UHRF2: variants seen among roughly 807,000 people sequenced by gnomAD.
The protein encoded by UHRF2 is ubiquitin like with PHD and ring finger domains 2.
A neutral mutation model predicts 96.8 loss-of-function variants in UHRF2; 23 were observed. The ratio of observed to expected loss-of-function variants is 0.24; its 90% CI spans 0.17 to 0.34. The LOEUF is 0.34. Ranked by LOEUF, UHRF2 falls within the 10% of genes least tolerant of loss-of-function variation. UHRF2 has a pLI of 1.00. For missense variants in UHRF2, 685 were observed against 981.5 expected, an observed-to-expected ratio of 0.70 and a Z score of 4.04; for synonymous variants, 385 against 332.6, an observed-to-expected ratio of 1.16 and a Z score of -1.72.
At chr9:6,484,958 TA>T (rs1431718942) in intron 8 of UHRF2, among the ~76,000 whole-genome samples, 1 of 151,926 alleles carries the variant, frequency 6.6e-6, no homozygotes, top group East Asian at 1.9e-4. Flanking sequence ...CATGCCCAGC[TA>T]ATTTTGTATT....
chr9:6,500,720 AT>A lies in UHRF2; in HGVS notation c.2163+18del, dbSNP rs771601389. The A allele has an allele frequency of 6.9e-6, 11 of 1,593,054 alleles. No individual in the cohort carries two copies. The highest frequency in any genetic ancestry group is 8.5e-6 in the Non-Finnish European group (10 of 1,172,326). On this transcript the variant is annotated intron_variant, in intron 14 of 15. Transcript: ENST00000276893. ...CTTGTGGAAGGACCAGTATGTGAAGATTTTTTTAAATAATAACATTCTGATA... is the reference window on the plus strand; with the variant it reads ...CTTGTGGAAGGACCAGTATGTGAAGATTTTTTAAATAATAACATTCTGATA...
chr9:6,481,561 C>G (rs1447932299), intron 6 of UHRF2, 82 bp from the exon 7 acceptor site: 5 of 1,515,082 alleles, frequency 3.3e-6, no homozygotes, highest in Middle Eastern at 4.9e-4. Flanking sequence ...AAAACTTGCT[C>G]TTACCTAGGA....
intron 3 of UHRF2, among the ~76,000 whole-genome samples, chr9:6,436,279 TG>T (rs1308024326): frequency 1.3e-5 from 2 of 152,190 alleles, no homozygotes; most frequent in African/African-American, 4.8e-5. Context: ...TTATTGTGGT[TG>T]TGGCTAAGCG....
chr9:6,497,434 C>A, intron 11 of UHRF2, 74 bp downstream of exon 11: 1 of 1,535,138 alleles, frequency 6.5e-7, no homozygotes, highest in Admixed American at 1.8e-5. Flanking sequence ...CAAGGAACTA[C>A]TGTGGGTGGG....
chr9:6,479,567 A>T (rs1823800065), intron 6 of UHRF2, among the ~76,000 whole-genome samples: 1 of 152,106 alleles, frequency 6.6e-6, no homozygotes, highest in Non-Finnish European at 1.5e-5. Context: ...GTTAAATACC[A>T]AGCTAATAGT....
rs544200707 is a variant in UHRF2 at position 6,413,684 on chromosome 9, G to A, written c.153+41G>A. 4.6e-5 allele frequency: 69 copies of A among 1,505,410 alleles called. 1 individual carries two copies. In the African/African-American group the frequency reaches 6.4e-4, roughly 14 times the overall value. The allele number at this position is 1,505,410 out of a possible 1,614,324, so 93.3% of individuals were successfully genotyped here. A position where few individuals can be genotyped will look rare whatever the true frequency, so the allele number is the denominator to read the frequency against. On this transcript the variant is annotated intron_variant, in intron 1 of 15. Coordinates refer to ENST00000276893, the MANE Select transcript of UHRF2 (RefSeq NM_152896.3). The stretch of plus-strand genomic sequence containing the variant: ...CGCGCCCCTAGCGAGGCTGGGGGCC[G>A]GAACAGCTGGGCTCCTCTGGACGCA...
intron 9 of UHRF2, among the ~76,000 whole-genome samples, chr9:6,489,628 CTTA>C (rs541889800): frequency 7.0e-4 from 106 of 151,338 alleles, no homozygotes; most frequent in African/African-American, 2.4e-3. Context: ...GTGTTGATAT[CTTA>C]TTGTTGGACG....
At chr9:6,423,671 C>T (rs1037167438) in intron 2 of UHRF2, among the ~76,000 whole-genome samples, 18 of 148,100 alleles carry the variant, frequency 1.2e-4, no homozygotes, top group Admixed American at 2.0e-4. Context: ...CTCGGCCGGG[C>T]GTGGTGGCTC....
At chr9:6,491,402 C>T (rs1824652131) in intron 9 of UHRF2, among the ~76,000 whole-genome samples, 1 of 152,154 alleles carries the variant, frequency 6.6e-6, no homozygotes, top group South Asian at 2.1e-4. Flanking sequence ...CCACCTAACC[C>T]ACCAGTAGTA....
chr9:6,487,181 C>T (rs530360384), intron 9 of UHRF2, among the ~76,000 whole-genome samples: 216 of 104,556 alleles, frequency 2.1e-3, no homozygotes, highest in African/African-American at 6.2e-3. Flanking sequence ...ATTTTTTTTT[C>T]CTTTTTTTTT....
chr9:6,466,875 C>G (rs1822892741), intron 4 of UHRF2, among the ~76,000 whole-genome samples: 1 of 152,216 alleles, frequency 6.6e-6, no homozygotes, highest in Admixed American at 6.5e-5. Context: ...GTTCTCTGCT[C>G]AAAAGTATCT....
chr9:6,434,223 A>C, intron 3 of UHRF2, 50 bp downstream of exon 3: 1 of 1,538,140 alleles, frequency 6.5e-7, no homozygotes, highest in African/African-American at 1.4e-5. Flanking sequence ...ATTTGTAGAA[A>C]CCAAAGCCTT....
At chr9:6,422,761 C>G (rs746382414) in intron 2 of UHRF2, 3 of 442,348 alleles carry the variant, frequency 6.8e-6, no homozygotes, top group Middle Eastern at 5.6e-4. Context: ...GCGTGAGCCA[C>G]CATGCCCGGC....
chr9:6,494,031 G>T, intron 10 of UHRF2, 99 bp downstream of exon 10: 1 of 1,001,918 alleles, frequency 1.0e-6, no homozygotes, highest in Non-Finnish European at 1.4e-6. Flanking sequence ...ATTTCAAACT[G>T]GGAGTTAAAG....
At chr9:6,466,802 C>G (rs564451699) in intron 4 of UHRF2, among the ~76,000 whole-genome samples, 2 of 152,308 alleles carry the variant, frequency 1.3e-5, no homozygotes, top group East Asian at 3.9e-4. Context: ...TGCCTTGGGG[C>G]CTTTGTACTT....
chr9:6,481,792 C>T lies in UHRF2; in HGVS notation c.1284+26C>T, dbSNP rs1006398643. 4 of 1,598,614 alleles carry T rather than the reference C, an allele frequency of 2.5e-6. No individual in the cohort carries two copies. In the African/African-American group the frequency reaches 5.4e-5, roughly 22 times the overall value. ...GTAAAGAAGAAATTCCCCTTTTCTT[C>T]CTAATAGCAAGTTATAATATATAAT... On this transcript the variant is annotated intron_variant, in intron 7 of 15. Transcript: ENST00000276893.
rs1563815479 is a variant in UHRF2 at position 6,506,041 on chromosome 9, A to G, written c.2271A>G (p.Leu757=). Reference sequence around the variant, plus strand: ...TTTTGTTTTTACCATAGGATTGCCTACAGCGCTCCTTTAAGGCACAGGTTT... The same window carrying G: ...TTTTGTTTTTACCATAGGATTGCCTGCAGCGCTCCTTTAAGGCACAGGTTT... The part of the protein sequence containing the change: ...ECFHNVCKDC[L]QRSFKAQVFS... The change falls in exon 16 of 16, where the codon CTA becomes CTG. Residue 757 remains leucine, a synonymous_variant. Coordinates refer to ENST00000276893, the MANE Select transcript of UHRF2 (RefSeq NM_152896.3). 3.1e-6 allele frequency: 5 copies of G among 1,614,164 alleles called. No individual in the cohort carries two copies. Among genetic ancestry groups the G allele is most frequent in the Middle Eastern group, 1.6e-4 (1 of 6,062 alleles).
intron 9 of UHRF2, among the ~76,000 whole-genome samples, chr9:6,491,753 C>G (rs1824671571): frequency 6.6e-6 from 1 of 152,156 alleles, no homozygotes; most frequent in Non-Finnish European, 1.5e-5. Context: ...TGCTGTGTCC[C>G]TTGTGCAGAT....
intron 1 of UHRF2, among the ~76,000 whole-genome samples, chr9:6,415,910 C>G (rs767504852): frequency 6.6e-6 from 1 of 152,180 alleles, no homozygotes; most frequent in African/African-American, 2.4e-5. Context: ...TCCCTGGATT[C>G]TCAGGACCAG....
Sources: allele counts gnomAD v4.1 joint callset (sites outside exome capture counted in the v4.1 genomes callset), GRCh38; gene constraint gnomAD v4.1.1; transcripts MANE v1.5; gene names NCBI Gene and HGNC (gene_info 2026-07-23, HGNC 2026-07-21).